Variants in CACNA1D observed in about 807,000 individuals in gnomAD.
The protein encoded by CACNA1D is voltage-dependent L-type calcium channel subunit alpha-1D.
In CACNA1D, 55 loss-of-function variants were observed where a neutral mutation model predicts 257.1. That is an observed-to-expected ratio of 0.21 (90% confidence interval 0.17 to 0.27). The LOEUF (loss-of-function observed/expected upper bound fraction) is 0.27. CACNA1D is among the 10% of genes least tolerant of loss of function. The pLI is 1.00. For missense variants in CACNA1D, 1,876 were observed against 2,784.0 expected (o/e 0.67, Z 7.34); for synonymous variants, 980 against 1,014.9 (o/e 0.97, Z 0.65).
rs766355148 is a variant in CACNA1D at position 53,810,163 on chromosome 3, G to T, written c.6057G>T (p.Leu2019=). 11 of 1,613,882 alleles carry T rather than the reference G, an allele frequency of 6.8e-6. No homozygotes were observed. The South Asian group carries it at 1.2e-4, about 18-fold the overall frequency. Reference sequence around the variant, plus strand: ...AGGTGAACGGCAGCCTGCCGTCCCTGCACCGCAGCTCCTGGTACACAGACG... The same window carrying T: ...AGGTGAACGGCAGCCTGCCGTCCCTTCACCGCAGCTCCTGGTACACAGACG... ...LDQVNGSLPS[L]HRSSWYTDEP... is the part of the protein sequence containing the mutation. The change falls in exon 47 of 48, where the codon CTG becomes CTT. Residue 2019 remains leucine (L), a synonymous_variant. Coordinates refer to ENST00000350061, the MANE Select transcript of CACNA1D (RefSeq NM_001128840.3).
intron 47 of CACNA1D, among the ~76,000 whole-genome samples, chr3:53,810,776 AAAAAAAAAAAC>A (rs2095595432): frequency 6.7e-6 from 1 of 149,452 alleles, no homozygotes. Context: ...AAAAAAAAAA[AAAAAAAAAAAC>A]AAAAACTGGT....
intron 19 of CACNA1D, among the ~76,000 whole-genome samples, chr3:53,735,002 A>C (rs1043481199): frequency 1.2e-4 from 19 of 152,146 alleles, no homozygotes; most frequent in Admixed American, 9.8e-4. Flanking sequence ...TAGTGGAAAA[A>C]CTTCAGTGAT....
chr3:53,737,322 A>AT (rs2095068214), intron 20 of CACNA1D, among the ~76,000 whole-genome samples: 2 of 152,088 alleles, frequency 1.3e-5, no homozygotes, highest in South Asian at 4.1e-4. Context: ...ATTTGTGCAG[A>AT]TTTTTTTCTT....
Position 53,650,847 on chromosome 3 carries a change from A to C in CACNA1D, c.552A>C (p.Gly184=). The change falls in exon 4 of 48, where the codon GGA becomes GGC. Residue 184 remains glycine (G), a synonymous_variant. Coordinates refer to ENST00000350061, the MANE Select transcript of CACNA1D (RefSeq NM_001128840.3). ...VETFLKIIAY[G]LLLHPNAYVR... The stretch of plus-strand genomic sequence containing the variant: ...CATTTTTGAAGATTATAGCGTATGG[A>C]TTATTGCTACATCCTAATGCTTATG... 1 of 1,609,766 alleles carries C rather than the reference A, an allele frequency of 6.2e-7. No homozygotes were observed. The highest frequency in any genetic ancestry group is 8.5e-7 in the Non-Finnish European group (1 of 1,176,128).
intron 7 of CACNA1D, 92 bp downstream of exon 7, chr3:53,666,627 G>C (rs963446258): frequency 3.9e-6 from 4 of 1,029,608 alleles, no homozygotes; most frequent in Non-Finnish European, 6.2e-6. Flanking sequence ...GGCTGGAAAA[G>C]AAACCCTGAA....
intron 39 of CACNA1D, chr3:53,785,900 G>A (rs989620405): frequency 4.6e-5 from 7 of 152,368 alleles, no homozygotes; most frequent in African/African-American, 1.7e-4. Context: ...GCAAGTTGTG[G>A]TCAGTGGCCC....
chr3:53,559,361 TGA>T (rs1018936535), intron 3 of CACNA1D, among the ~76,000 whole-genome samples: 4 of 152,204 alleles, frequency 2.6e-5, no homozygotes, highest in African/African-American at 9.7e-5. Flanking sequence ...CCTTGCAAAT[TGA>T]GAGTTTTCCA....
chr3:53,545,650 G>A (rs1481077729), intron 3 of CACNA1D, among the ~76,000 whole-genome samples: 1 of 152,172 alleles, frequency 6.6e-6, no homozygotes, highest in Non-Finnish European at 1.5e-5. Flanking sequence ...AGGGAAAGAC[G>A]AAAGGGCTTG....
intron 30 of CACNA1D, chr3:53,762,552 A>G: frequency 2.2e-6 from 1 of 457,016 alleles, no homozygotes; most frequent in Non-Finnish European, 4.4e-6. Flanking sequence ...CCCTAACAGC[A>G]CTATTTCACT....
intron 8 of CACNA1D, among the ~76,000 whole-genome samples, chr3:53,676,394 G>T (rs1266159426): frequency 6.6e-6 from 1 of 152,038 alleles, no homozygotes; most frequent in Non-Finnish European, 1.5e-5. Flanking sequence ...AGCCTCAAGA[G>T]TCTTCATAAT....
intron 4 of CACNA1D, among the ~76,000 whole-genome samples, chr3:53,658,848 C>T (rs2094174549): frequency 6.6e-6 from 1 of 152,144 alleles, no homozygotes; most frequent in Non-Finnish European, 1.5e-5. Flanking sequence ...GCTTGTTTTC[C>T]CTCCTGGCTG....
chr3:53,709,451 C>T (rs967681143), intron 9 of CACNA1D, among the ~76,000 whole-genome samples: 2 of 152,156 alleles, frequency 1.3e-5, no homozygotes, highest in Admixed American at 6.5e-5. Context: ...TCTGCGTGCT[C>T]GTGTTCATGG....
At chr3:53,690,583 G>GCA (rs1166667259) in intron 8 of CACNA1D, among the ~76,000 whole-genome samples, 1 of 152,166 alleles carries the variant, frequency 6.6e-6, no homozygotes, top group Non-Finnish European at 1.5e-5. Flanking sequence ...CTTTCAGTGG[G>GCA]CACTCCCCCT....
intron 2 of CACNA1D, among the ~76,000 whole-genome samples, chr3:53,500,959 T>C (rs2090574584): frequency 6.6e-6 from 1 of 152,230 alleles, no homozygotes; most frequent in African/African-American, 2.4e-5. Flanking sequence ...TGAGCTCCAG[T>C]CCGGCTCTAA....
At chr3:53,656,640 G>A (rs1368070054) in intron 4 of CACNA1D, among the ~76,000 whole-genome samples, 6 of 151,992 alleles carry the variant, frequency 3.9e-5, no homozygotes, top group Non-Finnish European at 5.9e-5. Flanking sequence ...AAAAAGCAAG[G>A]CACAGATTGT....
At chr3:53,695,086 G>T (rs954732780) in intron 8 of CACNA1D, among the ~76,000 whole-genome samples, 1 of 152,178 alleles carries the variant, frequency 6.6e-6, no homozygotes, top group African/African-American at 2.4e-5. Flanking sequence ...CAAACTACTT[G>T]GCTGCCAGGT....
chr3:53,770,741 C>T (rs1461035365), intron 32 of CACNA1D, among the ~76,000 whole-genome samples, 189 bp downstream of exon 32: 1 of 152,162 alleles, frequency 6.6e-6, no homozygotes, highest in East Asian at 1.9e-4. Flanking sequence ...GATTACTTGC[C>T]TAAAGGAAAC....
At chr3:53,589,413 G>A (rs534212099) in intron 3 of CACNA1D, among the ~76,000 whole-genome samples, 3 of 152,164 alleles carry the variant, frequency 2.0e-5, no homozygotes, top group South Asian at 2.1e-4. Flanking sequence ...GCATTTGGAC[G>A]AACTCCCGCC....
intron 9 of CACNA1D, among the ~76,000 whole-genome samples, chr3:53,713,341 G>A (rs899205509): frequency 2.0e-5 from 3 of 152,190 alleles, no homozygotes; most frequent in African/African-American, 7.2e-5. Flanking sequence ...GTCACCTGAT[G>A]ATAAGCACCA....
Sources: allele counts gnomAD v4.1 joint callset (sites outside exome capture counted in the v4.1 genomes callset), GRCh38; gene constraint gnomAD v4.1.1; transcripts MANE v1.5; gene names NCBI Gene and HGNC (gene_info 2026-07-23, HGNC 2026-07-21).